Variants in IL13RA1 observed in about 807,000 individuals in gnomAD.
IL13RA1 encodes interleukin 13 receptor subunit alpha 1, also known as interleukin-13 receptor subunit alpha-1.
IL13RA1 carries 14 observed loss-of-function variants against 33.8 expected under a neutral mutation model. The ratio of observed to expected loss-of-function variants is 0.41; its 90% CI spans 0.27 to 0.65. The LOEUF (loss-of-function observed/expected upper bound fraction) is 0.65. IL13RA1 is among the 30% of genes least tolerant of loss of function. The pLI is 0.28. For missense variants in IL13RA1, 313 were observed against 327.0 expected, an observed-to-expected ratio of 0.96 and a Z score of 0.33; for synonymous variants, 116 against 115.7, an observed-to-expected ratio of 1.00 and a Z score of -0.02.
At chrX:118,782,137 A>G (rs1489128319) in intron 10 of IL13RA1, among the ~76,000 whole-genome samples, 1 of 110,865 alleles carries the variant, frequency 9.0e-6, no homozygotes, top group Non-Finnish European at 1.9e-5. Flanking sequence ...CAGTGATGCA[A>G]CCTCTGCTCA....
At chrX:118,774,982 A>G (rs1321162335) in intron 9 of IL13RA1, among the ~76,000 whole-genome samples, 6 of 111,590 alleles carry the variant, frequency 5.4e-5, no homozygotes, top group Non-Finnish European at 1.9e-5. Flanking sequence ...CAAAGTCCTC[A>G]TCTACATTCT....
At chrX:118,741,947 G>GA (rs1425280932) in intron 2 of IL13RA1, among the ~76,000 whole-genome samples, 1 of 110,873 alleles carries the variant, frequency 9.0e-6, no homozygotes, top group Non-Finnish European at 1.9e-5. Flanking sequence ...TTGGTGGCAG[G>GA]AAGTCAGGAG....
Position 118,782,499 on chromosome X carries a change from CTTTA to C in IL13RA1, c.1191+5994_1191+5997del, listed in dbSNP as rs1458934810. ...GCAAGATGCATATTTAATCATTTCC[CTTTA>C]TTTATCCATTAAGGTGAGGAGTTGG... On this transcript the variant is annotated intron_variant, in intron 10 of 10. Coordinates refer to ENST00000371666, the MANE Select transcript of IL13RA1 (RefSeq NM_001560.3). 3.6e-5 allele frequency among the ~76,000 whole-genome samples: 4 copies of C among 112,203 alleles called. No individual in the cohort carries two copies. In the East Asian group the frequency reaches 1.1e-3, roughly 31 times the overall value.
chrX:118,734,789 C>T (rs1041439732), intron 1 of IL13RA1, among the ~76,000 whole-genome samples: 4 of 111,633 alleles, frequency 3.6e-5, no homozygotes, highest in Non-Finnish European at 7.5e-5. Context: ...TTTCTTGTAG[C>T]GTCTTTGTCT....
At chrX:118,776,303 T>G (rs2017779898) in intron 9 of IL13RA1, 124 bp from the exon 10 acceptor site, 1 of 389,180 alleles carries the variant, frequency 2.6e-6, no homozygotes, top group African/African-American at 2.5e-5. Context: ...CACAACTGCC[T>G]TGTCAATAAA....
intron 8 of IL13RA1, among the ~76,000 whole-genome samples, chrX:118,773,203 A>T (rs2017743788): frequency 8.9e-6 from 1 of 112,457 alleles, no homozygotes; most frequent in South Asian, 3.7e-4. Context: ...ATAAAATTTT[A>T]AATGTGGCTG....
At chrX:118,764,184 C>T in intron 6 of IL13RA1, among the ~76,000 whole-genome samples, 1 of 74,451 alleles carries the variant, frequency 1.3e-5, no homozygotes, top group East Asian at 5.7e-4. Flanking sequence ...CCCCCCACCC[C>T]CCACCCCCAC....
downstream of IL13RA1, among the ~76,000 whole-genome samples, chrX:118,799,302 C>T (rs752896591): frequency 1.6e-3 from 183 of 113,167 alleles, 1 homozygote; most frequent in African/African-American, 5.6e-3. Flanking sequence ...TGCTCCACGG[C>T]GCCCAGTCCC....
chrX:118,791,364 A>G (rs1034229759), intron 10 of IL13RA1, among the ~76,000 whole-genome samples: 4 of 111,696 alleles, frequency 3.6e-5, no homozygotes, highest in African/African-American at 1.3e-4. Context: ...TGAACCTATT[A>G]TGTCTCTGGA....
intron 9 of IL13RA1, among the ~76,000 whole-genome samples, 180 bp downstream of exon 9, chrX:118,774,155 T>C (rs988580501): frequency 9.4e-6 from 1 of 106,722 alleles, no homozygotes; most frequent in African/African-American, 3.4e-5. Context: ...TTCTTTTCTT[T>C]TTTTTTTTTT....
In IL13RA1 at chrX:118,794,223, A is replaced by G. The variant is rs2018008639; in HGVS notation, c.*2369A>G. ...TATGGGAATACCTGTGGTGGTTGTG[A>G]TCCCTAGGTCTTGGGAGCTCTTGGA... On this transcript the variant is annotated 3_prime_UTR_variant, in exon 11 of 11. Coordinates refer to ENST00000371666, the MANE Select transcript of IL13RA1 (RefSeq NM_001560.3). 9.0e-6 allele frequency: 1 copy of G among 111,611 alleles called. No individual in the cohort carries two copies. The allele number at this position is 111,611 out of a possible 1,213,427, so 9.2% of individuals were successfully genotyped here.
downstream of IL13RA1, among the ~76,000 whole-genome samples, chrX:118,796,795 C>T (rs2018034656): frequency 7.1e-5 from 8 of 112,743 alleles, no homozygotes. Context: ...CTCGGCCTCC[C>T]AAAGTGCTGG....
chrX:118,729,262 T>G (rs978308062), intron 1 of IL13RA1, among the ~76,000 whole-genome samples: 11 of 112,139 alleles, frequency 9.8e-5, no homozygotes, highest in African/African-American at 3.6e-4. Context: ...CAGCTGGCCA[T>G]CTAGAGAATA....
At chrX:118,766,748 TAGAC>T in intron 7 of IL13RA1, 92 bp from the exon 8 acceptor site, 1 of 613,785 alleles carries the variant, frequency 1.6e-6, no homozygotes, top group Non-Finnish European at 2.6e-6. Context: ...GTCTTAATCA[TAGAC>T]AGAATTTGGC....
At position 118,792,943 on chromosome X, in the gene IL13RA1, G is replaced by C. The variant is rs113284060; in HGVS notation, c.*1089G>C. The C allele has an allele frequency of 1.3e-4, 14 of 111,871 alleles. No individual in the cohort carries two copies. The highest frequency in any genetic ancestry group is 3.9e-4 in the African/African-American group (12 of 30,797). 9.2% of individuals were successfully genotyped at this position (111,871 alleles called of 1,213,427 possible). On this transcript the variant is annotated 3_prime_UTR_variant, in exon 11 of 11. Coordinates refer to ENST00000371666, the MANE Select transcript of IL13RA1 (RefSeq NM_001560.3). ...GTAGCATTTACTGTGTCTTTGGTTT[G>C]TGCTAGGCCCCCGGGTGTGAAGCAC... is the stretch of plus-strand genomic sequence containing the variant.
intron 5 of IL13RA1, among the ~76,000 whole-genome samples, chrX:118,759,341 C>T (rs951731980): frequency 6.2e-5 from 7 of 112,567 alleles, no homozygotes; most frequent in Non-Finnish European, 9.4e-5. Flanking sequence ...TGACATAAAG[C>T]GTATTAACAC....
chrX:118,775,004 TACAC>T (rs2017766526), intron 9 of IL13RA1, among the ~76,000 whole-genome samples: 1 of 111,224 alleles, frequency 9.0e-6, no homozygotes, highest in South Asian at 3.7e-4. Flanking sequence ...GAGGGAAAGA[TACAC>T]ACATGCACAT....
intron 1 of IL13RA1, among the ~76,000 whole-genome samples, 173 bp downstream of exon 1, chrX:118,727,899 TCTGGGGCCCGGTA>T (rs1403606668): frequency 8.9e-6 from 1 of 111,866 alleles, no homozygotes; most frequent in African/African-American, 3.2e-5. Context: ...GCGCGGGATC[TCTGGGGCCCGGTA>T]CTGGGGCCGG....
chrX:118,757,183 G>C (rs2017538824), intron 4 of IL13RA1, among the ~76,000 whole-genome samples: 1 of 111,452 alleles, frequency 9.0e-6, no homozygotes, highest in African/African-American at 3.3e-5. Flanking sequence ...TTATACAGAA[G>C]AAATAGGCCT....
Sources: gnomAD v4.1 joint callset for allele counts (sites outside exome capture counted in the v4.1 genomes callset) on GRCh38, gnomAD v4.1.1 for gene constraint, MANE v1.5 for transcripts, NCBI Gene and HGNC (gene_info 2026-07-23, HGNC 2026-07-21) for gene names.